PARPBP: variants seen among roughly 807,000 people sequenced by gnomAD.
PARPBP encodes the protein PARP1 binding protein.
A neutral mutation model predicts 50.0 loss-of-function variants in PARPBP; 52 were observed. That is an observed-to-expected ratio of 1.04 (90% CI 0.83 to 1.31). The LOEUF is 1.31. Among genes scored for constraint, PARPBP ranks in the 50% most tolerant of loss-of-function variants. The pLI, the probability that PARPBP is intolerant of heterozygous loss-of-function variation, is 0.00. For synonymous variants in PARPBP, 244 were observed against 232.1 expected, an observed-to-expected ratio of 1.05 and a Z score of -0.47; for missense variants, 697 against 672.0, an observed-to-expected ratio of 1.04 and a Z score of -0.41.
chr12:102,129,031 C>G (rs1000738580), intron 2 of PARPBP, among the ~76,000 whole-genome samples: 7 of 152,054 alleles, frequency 4.6e-5, no homozygotes, highest in African/African-American at 1.7e-4. Context: ...TTTCCATTTG[C>G]ATTTTTCTGA....
chr12:102,142,051 A>G (rs1264148509), intron 2 of PARPBP, among the ~76,000 whole-genome samples: 2 of 152,162 alleles, frequency 1.3e-5, no homozygotes, highest in Non-Finnish European at 2.9e-5. Flanking sequence ...AGGTTGGGGA[A>G]GTTCTCCTGG....
chr12:102,168,931 A>C (rs1888418057), intron 6 of PARPBP, among the ~76,000 whole-genome samples: 1 of 152,204 alleles, frequency 6.6e-6, no homozygotes, highest in Admixed American at 6.5e-5. Flanking sequence ...ATATTCTTAA[A>C]GAAAATACTT....
At chr12:102,180,906 T>G (rs1889761492) in intron 8 of PARPBP, among the ~76,000 whole-genome samples, 1 of 152,230 alleles carries the variant, frequency 6.6e-6, no homozygotes, top group Non-Finnish European at 1.5e-5. Context: ...TTATCAACTA[T>G]TCTTTCTTAG....
intron 2 of PARPBP, among the ~76,000 whole-genome samples, chr12:102,129,728 G>C (rs1461252936): frequency 6.6e-6 from 1 of 152,070 alleles, no homozygotes; most frequent in Non-Finnish European, 1.5e-5. Context: ...TCACCTCCCT[G>C]GTTGACTGTA....
chr12:102,182,490 A>G, intron 8 of PARPBP, 59 bp from the exon 9 acceptor site: 1 of 1,186,422 alleles, frequency 8.4e-7, no homozygotes, highest in Non-Finnish European at 1.2e-6. Flanking sequence ...GTGAATTTGG[A>G]GGGAAACAAA....
intron 8 of PARPBP, among the ~76,000 whole-genome samples, chr12:102,182,237 C>T (rs1338660123): frequency 6.6e-6 from 1 of 152,106 alleles, no homozygotes; most frequent in Admixed American, 6.6e-5. Flanking sequence ...ATGATCATGG[C>T]GGTAAACAAC....
chr12:102,183,608 G>T (rs923368229), intron 9 of PARPBP, among the ~76,000 whole-genome samples: 17 of 152,182 alleles, frequency 1.1e-4, no homozygotes, highest in African/African-American at 4.1e-4. Flanking sequence ...ATAAGTATTT[G>T]CAATCAAGGG....
intron 9 of PARPBP, among the ~76,000 whole-genome samples, chr12:102,187,656 G>A (rs1890417492): frequency 6.6e-6 from 1 of 152,118 alleles, no homozygotes; most frequent in Non-Finnish European, 1.5e-5. Context: ...TACCTCTACT[G>A]TTCCTCAAGC....
chr12:102,170,341 T>C (rs1189626366), intron 6 of PARPBP, among the ~76,000 whole-genome samples: 1 of 152,212 alleles, frequency 6.6e-6, no homozygotes, highest in Admixed American at 6.5e-5. Context: ...ACAAACATCA[T>C]AGACTGTACA....
chr12:102,138,660 T>A (rs987081204), intron 2 of PARPBP, among the ~76,000 whole-genome samples: 1 of 152,206 alleles, frequency 6.6e-6, no homozygotes, highest in Non-Finnish European at 1.5e-5. Context: ...GAATTAATTT[T>A]TGTATAAGGT....
chr12:102,148,233 A>G lies in PARPBP; in HGVS notation c.157A>G (p.Ser53Gly), dbSNP rs1885684899. ...LSMAENNKQH[S>G]GEFTVSLSDV... ...TTTTTGGCATTATCTTTTTCAGCAC[A>G]GTGGAGAATTTACAGTCTCTCTCAG... Residue 53 changes from serine (S) to glycine (G), a missense_variant, in exon 3 of 11, where the codon AGT becomes GGT. Physicochemically the swap from Ser to Gly is moderately conservative, Grantham distance 56. Transcript: ENST00000327680. The G allele has an allele frequency of 7.0e-7, 1 of 1,428,362 alleles. No individual in the cohort carries two copies. Among genetic ancestry groups the G allele is most frequent in the African/African-American group, 1.4e-5 (1 of 69,710 alleles). 88.5% of individuals were successfully genotyped at this position (1,428,362 alleles called of 1,614,324 possible).
At chr12:102,169,254 C>G (rs749996152) in intron 6 of PARPBP, among the ~76,000 whole-genome samples, 2 of 152,080 alleles carry the variant, frequency 1.3e-5, no homozygotes, top group Non-Finnish European at 2.9e-5. Context: ...ACTTCAGATA[C>G]GTCATTCTCT....
chr12:102,156,312 G>A lies in PARPBP; in HGVS notation c.495+2336G>A, dbSNP rs566397554. Among the ~76,000 whole-genome samples, 25 of 146,994 alleles carry A rather than the reference G, an allele frequency of 1.7e-4. No homozygotes were observed. In the East Asian group the frequency reaches 3.3e-3, roughly 20 times the overall value. On this transcript the variant is annotated intron_variant, in intron 4 of 10. Coordinates refer to ENST00000327680, the MANE Select transcript of PARPBP (RefSeq NM_017915.5). Reference sequence around the variant, plus strand: ...TGCCATTCTCCTTCCTCAGCCTCCCGCGTAGCTGGGACTACAGGTGCCCAC... The same window carrying A: ...TGCCATTCTCCTTCCTCAGCCTCCCACGTAGCTGGGACTACAGGTGCCCAC...
Position 102,197,420 on chromosome 12 carries a change from A to T in PARPBP, c.*1129A>T. The T allele has an allele frequency of 9.1e-7, 1 of 1,099,616 alleles. No individual in the cohort carries two copies. Among genetic ancestry groups the T allele is most frequent in the Non-Finnish European group, 1.3e-6 (1 of 766,262 alleles). The allele number at this position is 1,099,616 out of a possible 1,614,324, so 68.1% of individuals were successfully genotyped here. On this transcript the variant is annotated 3_prime_UTR_variant, in exon 11 of 11. Coordinates refer to ENST00000327680, the MANE Select transcript of PARPBP (RefSeq NM_017915.5). ...CCTAATGCATATTGTGACTGTTTGC[A>T]TATACTTCTGTTTATAAAAGTATCA...
Position 102,123,875 on chromosome 12 carries a change from C to T in PARPBP, c.-3-11C>T. ...AAGATACTTTAACTTTGTATTCTGTCCTACTTTAAGATAATGGCTGTGTTT... is the reference window on the plus strand; with the variant it reads ...AAGATACTTTAACTTTGTATTCTGTTCTACTTTAAGATAATGGCTGTGTTT... On this transcript the variant is annotated splice_polypyrimidine_tract_variant and intron_variant, in intron 1 of 10. Coordinates refer to ENST00000327680, the MANE Select transcript of PARPBP (RefSeq NM_017915.5). 1.3e-6 allele frequency: 2 copies of T among 1,527,094 alleles called. No homozygotes were observed. Among genetic ancestry groups the T allele is most frequent in the Middle Eastern group, 1.7e-4 (1 of 5,966 alleles). 94.6% of individuals were successfully genotyped at this position (1,527,094 alleles called of 1,614,324 possible).
chr12:102,194,298 C>T (rs938908855), intron 9 of PARPBP, among the ~76,000 whole-genome samples: 3 of 151,784 alleles, frequency 2.0e-5, no homozygotes, highest in Non-Finnish European at 2.9e-5. Context: ...TAGTTATACT[C>T]GAAGTGTTAC....
intron 2 of PARPBP, among the ~76,000 whole-genome samples, chr12:102,125,556 A>C (rs964551463): frequency 2.6e-5 from 4 of 152,214 alleles, no homozygotes; most frequent in Admixed American, 2.6e-4. Flanking sequence ...CTATGCCTGG[A>C]TGTTCCAGGA....
intron 4 of PARPBP, among the ~76,000 whole-genome samples, chr12:102,162,231 G>A (rs915746555): frequency 2.6e-5 from 4 of 152,092 alleles, no homozygotes; most frequent in African/African-American, 9.7e-5. Context: ...CATGTGATTA[G>A]ATTGAATATG....
intron 2 of PARPBP, among the ~76,000 whole-genome samples, chr12:102,125,227 T>C (rs2137070012): frequency 6.6e-6 from 1 of 152,250 alleles, no homozygotes; most frequent in African/African-American, 2.4e-5. Context: ...TCTTATGGAG[T>C]GAACCTTCTA....
Sources: gnomAD v4.1 joint callset for allele counts (sites outside exome capture counted in the v4.1 genomes callset) on GRCh38, gnomAD v4.1.1 for gene constraint, MANE v1.5 for transcripts, NCBI Gene and HGNC (gene_info 2026-07-23, HGNC 2026-07-21) for gene names.